The following NCKAP1L variants were observed in gnomAD, a reference collection of about 807,000 sequenced individuals.
NCKAP1L encodes NCK associated protein 1 like, also known as nck-associated protein 1-like.
Under a neutral mutation model 139.2 loss-of-function variants are expected in NCKAP1L, and 53 were observed. The ratio of observed to expected loss-of-function variants is 0.38; its 90% CI spans 0.31 to 0.48. NCKAP1L has a LOEUF of 0.48. NCKAP1L is among the 20% of genes least tolerant of loss of function. The probability of loss-of-function intolerance (pLI) is 0.98; values close to 1 mark genes in which losing one functional copy is unlikely to be tolerated. For missense variants in NCKAP1L, 1,151 were observed against 1,381.9 expected (o/e 0.83, Z 2.65); for synonymous variants, 468 against 499.7 (o/e 0.94, Z 0.85).
chr12:54,519,613 C>T lies in NCKAP1L; in HGVS notation c.1625+281C>T, dbSNP rs114208004. On this transcript the variant is annotated intron_variant, in intron 16 of 30. Transcript: ENST00000293373. Reference sequence around the variant, plus strand: ...CATTTGCTCTCTTGCCTGGCCTCTGCGGAGGACTGTCATTCCCCTAGACAA... The same window carrying T: ...CATTTGCTCTCTTGCCTGGCCTCTGTGGAGGACTGTCATTCCCCTAGACAA... Among the ~76,000 whole-genome samples the T allele has an allele frequency of 4.3e-3, 647 of 151,872 alleles. 3 individuals carry two copies. Among genetic ancestry groups the T allele is most frequent in the African/African-American group, 0.015 (629 of 41,430 alleles).
Position 54,506,594 on chromosome 12 carries a change from T to A in NCKAP1L, c.307-1259T>A, listed in dbSNP as rs1027917346. 2.1e-4 allele frequency among the ~76,000 whole-genome samples: 31 copies of A among 144,700 alleles called. No individual in the cohort carries two copies. In the East Asian group the frequency reaches 6.1e-3, roughly 28 times the overall value. The allele number at this position is 144,700 out of a possible 152,430, so 94.9% of individuals were successfully genotyped here. A position where few individuals can be genotyped will look rare whatever the true frequency, so the allele number is the denominator to read the frequency against. ...GGCATGTGCCACCACACCCAGCTAA[T>A]TTTTTTTATTTTTATTTTTAGTAGA... On this transcript the variant is annotated intron_variant, in intron 3 of 30. Coordinates refer to ENST00000293373, the MANE Select transcript of NCKAP1L (RefSeq NM_005337.5).
At position 54,523,710 on chromosome 12, in the gene NCKAP1L, T is replaced by C. The variant is rs1957004927; in HGVS notation, c.2025-115T>C. 4.8e-6 allele frequency: 7 copies of C among 1,455,770 alleles called. No individual in the cohort carries two copies. The South Asian group carries it at 8.2e-5, about 17-fold the overall frequency. 90.2% of individuals were successfully genotyped at this position (1,455,770 alleles called of 1,614,324 possible). On this transcript the variant is annotated intron_variant, in intron 19 of 30. Transcript: ENST00000293373. ...ACTTTGCCTTTGAAGTCTACATCAATGTGTACTCTTCTAGGCTGAGTATCC... is the reference window on the plus strand; with the variant it reads ...ACTTTGCCTTTGAAGTCTACATCAACGTGTACTCTTCTAGGCTGAGTATCC...
chr12:54,545,549 A>G lies in NCKAP1L; in HGVS notation c.*2864A>G, dbSNP rs932493196. 1 of 152,256 alleles carries G rather than the reference A, an allele frequency of 6.6e-6. No homozygotes were observed. The highest frequency in any genetic ancestry group is 2.4e-5 in the African/African-American group (1 of 41,474). The allele number at this position is 152,256 out of a possible 1,614,324, so 9.4% of individuals were successfully genotyped here. On this transcript the variant is annotated 3_prime_UTR_variant, in exon 31 of 31. Transcript: ENST00000293373. ...ATGTCCAGAGGTGAAGGGACAGAGA[A>G]GTAACAGGACCCATCAGCATTTCAG...
At position 54,548,055 on chromosome 12, in the gene NCKAP1L, G is replaced by A. The variant is rs3741670; in HGVS notation, c.*5370G>A. On this transcript the variant is annotated 3_prime_UTR_variant, in exon 31 of 31. Transcript: ENST00000293373. Reference sequence around the variant, plus strand: ...TGACCTAACTTGGCAATTCTTTTATGTTAGGAGTCTTAGCTGTGACAGTTC... The same window carrying A: ...TGACCTAACTTGGCAATTCTTTTATATTAGGAGTCTTAGCTGTGACAGTTC... The A allele has an allele frequency of 0.15, 22,338 of 152,042 alleles. 2,263 individuals are homozygous for A. The highest frequency in any genetic ancestry group is 0.29 in the African/African-American group (12,047 of 41,460). The allele number at this position is 152,042 out of a possible 1,614,324, so 9.4% of individuals were successfully genotyped here. A position where few individuals can be genotyped will look rare whatever the true frequency, so the allele number is the denominator to read the frequency against.
chr12:54,527,055 A>G (rs935330971), intron 21 of NCKAP1L, among the ~76,000 whole-genome samples: 4 of 152,080 alleles, frequency 2.6e-5, no homozygotes, highest in African/African-American at 7.3e-5. Flanking sequence ...ATTTCAAATG[A>G]TCTCTCTTCC....
Position 54,521,010 on chromosome 12 carries a change from T to A in NCKAP1L, c.1759-109T>A, listed in dbSNP as rs866378839. ...GCCTCAGTTTCTTCTTCTGTAGGAATGGGTAGGAATCTTCTGTAAGATTCA... is the reference window on the plus strand; with the variant it reads ...GCCTCAGTTTCTTCTTCTGTAGGAAAGGGTAGGAATCTTCTGTAAGATTCA... On this transcript the variant is annotated intron_variant, in intron 17 of 30. Transcript: ENST00000293373. 2.3e-5 allele frequency: 35 copies of A among 1,549,140 alleles called. 1 individual carries two copies. In the African/African-American group the frequency reaches 3.4e-4, roughly 15 times the overall value.
At chr12:54,501,707 T>C (rs1278827743) in intron 3 of NCKAP1L, among the ~76,000 whole-genome samples, 1 of 152,172 alleles carries the variant, frequency 6.6e-6, no homozygotes, top group African/African-American at 2.4e-5. Context: ...GGTATCCCCA[T>C]GTTGGCCAGG....
At chr12:54,522,610 AT>A (rs1475224946) in intron 18 of NCKAP1L, among the ~76,000 whole-genome samples, 4 of 152,168 alleles carry the variant, frequency 2.6e-5, no homozygotes, top group African/African-American at 9.7e-5. Flanking sequence ...GGTGGACTTG[AT>A]TTTTTTGAAA....
chr12:54,503,058 T>G (rs984742236), intron 3 of NCKAP1L, among the ~76,000 whole-genome samples: 5 of 151,658 alleles, frequency 3.3e-5, no homozygotes, highest in Admixed American at 1.3e-4. Context: ...CAGCCCATAT[T>G]CACATTTCTC....
intron 19 of NCKAP1L, 73 bp downstream of exon 19, chr12:54,523,612 A>G: frequency 6.5e-7 from 1 of 1,533,046 alleles, no homozygotes; most frequent in Admixed American, 2.2e-5. Flanking sequence ...AGGGAAGGTG[A>G]CACAGAAAGA....
intron 1 of NCKAP1L, among the ~76,000 whole-genome samples, chr12:54,498,139 G>A (rs989180933): frequency 1.3e-5 from 2 of 152,112 alleles, no homozygotes; most frequent in African/African-American, 4.8e-5. Context: ...CTTTCCTCTG[G>A]GGATGGGGGT....
rs1565681956 is a variant in NCKAP1L, at chr12:54,531,806, C to T, written c.2762C>T (p.Ala921Val). Residue 921 changes from alanine to valine, a missense_variant, in exon 25 of 31, where the codon GCC (alanine) becomes GTC (valine). Coordinates refer to ENST00000293373, the MANE Select transcript of NCKAP1L (RefSeq NM_005337.5). ...IGVILSFRAM[A>V]QEGLREVFSS... ...GTTATCCTCAGTTTCAGGGCCATGGCCCAAGAGGGACTTCGGGAGGTGAGT... is the reference window on the plus strand; with the variant it reads ...GTTATCCTCAGTTTCAGGGCCATGGTCCAAGAGGGACTTCGGGAGGTGAGT... 1.2e-6 allele frequency: 2 copies of T among 1,611,642 alleles called. No individual in the cohort carries two copies. The highest frequency in any genetic ancestry group is 1.6e-4 in the Middle Eastern group (1 of 6,082).
intron 4 of NCKAP1L, among the ~76,000 whole-genome samples, chr12:54,508,146 C>T (rs1956857885): frequency 6.6e-6 from 1 of 152,172 alleles, no homozygotes; most frequent in African/African-American, 2.4e-5. Context: ...ACATAAAAAT[C>T]TTCTTCACCT....
chr12:54,519,130 TG>T, intron 15 of NCKAP1L, 56 bp from the exon 16 acceptor site: 1 of 1,557,448 alleles, frequency 6.4e-7, no homozygotes, highest in Non-Finnish European at 8.7e-7. Flanking sequence ...ATTCCAAGGC[TG>T]GGGGCCTTTT....
intron 29 of NCKAP1L, among the ~76,000 whole-genome samples, chr12:54,537,434 C>T (rs2120974127): frequency 6.6e-6 from 1 of 152,236 alleles, no homozygotes; most frequent in African/African-American, 2.4e-5. Flanking sequence ...ATCCATGAAC[C>T]TTGGTATGCA....
chr12:54,539,918 AG>A (rs1273910476), intron 30 of NCKAP1L, among the ~76,000 whole-genome samples: 1 of 152,196 alleles, frequency 6.6e-6, no homozygotes, highest in African/African-American at 2.4e-5. Flanking sequence ...CTAGTGCCCA[AG>A]GGACGTGTGG....
In NCKAP1L at chr12:54,526,608, C is replaced by A. The variant is rs762355251; in HGVS notation, c.2237C>A (p.Ala746Glu). The A allele has an allele frequency of 9.9e-6, 16 of 1,613,964 alleles. No individual in the cohort carries two copies. The highest frequency in any genetic ancestry group is 1.3e-5 in the Non-Finnish European group (15 of 1,180,018). ...RPSELLAGVK[A>E]YIGFIQSLAQ... ...TCTGAGCTGTTGGCAGGAGTCAAAG[C>A]ATACATTGGTTTCATACAGTCACTG... The change falls in exon 21 of 31, where the codon GCA becomes GAA. Residue 746 changes from alanine to glutamate, a missense_variant. By Grantham distance (107) the Ala-to-Glu change is moderately radical (BLOSUM62 -1). Coordinates refer to ENST00000293373, the MANE Select transcript of NCKAP1L (RefSeq NM_005337.5).
rs1956861790 is a variant in NCKAP1L at position 54,508,650 on chromosome 12, T to C, written c.506+119T>C. ...CTTATATGAGAACCTATAATCTACA[T>C]TGACCCAGGCAAAATAAGGTACACT... is the stretch of plus-strand genomic sequence containing the variant. On this transcript the variant is annotated intron_variant, in intron 5 of 30. Transcript: ENST00000293373. The C allele has an allele frequency of 1.2e-5, 13 of 1,055,732 alleles. No individual in the cohort carries two copies. In the South Asian group the frequency reaches 1.6e-4, roughly 13 times the overall value. The allele number at this position is 1,055,732 out of a possible 1,614,324, so 65.4% of individuals were successfully genotyped here. A position where few individuals can be genotyped will look rare whatever the true frequency, so the allele number is the denominator to read the frequency against.
chr12:54,505,991 C>T (rs939206927), intron 3 of NCKAP1L, among the ~76,000 whole-genome samples: 2 of 152,172 alleles, frequency 1.3e-5, no homozygotes, highest in Admixed American at 6.5e-5. Flanking sequence ...AGAACTATTC[C>T]ATTGCATGGG....
Sources: gnomAD v4.1 joint callset for allele counts (sites outside exome capture counted in the v4.1 genomes callset) on GRCh38, gnomAD v4.1.1 for gene constraint, MANE v1.5 for transcripts, NCBI Gene and HGNC (gene_info 2026-07-23, HGNC 2026-07-21) for gene names.